THRAP3: variants seen among roughly 807,000 people sequenced by gnomAD.
The protein encoded by THRAP3 is thyroid hormone receptor-associated protein 3.
Under a neutral mutation model 101.0 loss-of-function variants are expected in THRAP3, and 16 were observed. That is an observed-to-expected ratio of 0.16 (90% CI 0.11 to 0.24). The LOEUF is 0.24. Among genes scored for constraint, THRAP3 ranks in the 10% least tolerant of loss-of-function variants. The probability of loss-of-function intolerance (pLI) is 1.00; values close to 1 mark genes in which losing one functional copy is unlikely to be tolerated. For synonymous variants in THRAP3, 407 were observed against 422.6 expected (o/e 0.96, Z 0.45); for missense variants, 989 against 1,202.7 (o/e 0.82, Z 2.63).
At chr1:36,253,773 T>TTTTTTA (rs1645339007) in intron 1 of THRAP3, among the ~76,000 whole-genome samples, 1 of 145,974 alleles carries the variant, frequency 6.9e-6, no homozygotes, top group Admixed American at 6.8e-5. Flanking sequence ...TTTTTTTTTT[T>TTTTTTA]TTTTTTAGTT....
chr1:36,227,717 A>G (rs1412075172), intron 1 of THRAP3, among the ~76,000 whole-genome samples: 1 of 152,092 alleles, frequency 6.6e-6, no homozygotes, highest in Non-Finnish European at 1.5e-5. Context: ...TGACAGAGCA[A>G]GAAAATAGAG....
upstream of THRAP3, among the ~76,000 whole-genome samples, chr1:36,220,113 C>A (rs1162677088): frequency 6.6e-6 from 1 of 152,120 alleles, no homozygotes; most frequent in Admixed American, 6.6e-5. Context: ...CCTGCCTCAG[C>A]CTCCTGAGCA....
At chr1:36,239,614 G>C (rs776335980) in intron 1 of THRAP3, among the ~76,000 whole-genome samples, 1 of 152,114 alleles carries the variant, frequency 6.6e-6, no homozygotes, top group African/African-American at 2.4e-5. Flanking sequence ...TTGTTTCCCT[G>C]GTTCTGGGTA....
intron 2 of THRAP3, among the ~76,000 whole-genome samples, chr1:36,261,205 T>G (rs1217304647): frequency 6.6e-6 from 1 of 152,100 alleles, no homozygotes; most frequent in African/African-American, 2.4e-5. Flanking sequence ...CGAGACCAGC[T>G]GGCCAACATG....
intron 4 of THRAP3, chr1:36,288,810 C>T (rs1570332037): frequency 2.0e-6 from 2 of 985,234 alleles, no homozygotes; most frequent in South Asian, 4.7e-5. Context: ...TTGTTGTTCT[C>T]TTTGGTTGCT....
chr1:36,282,749 T>C (rs780567280), intron 3 of THRAP3, 49 bp downstream of exon 3: 4 of 1,604,274 alleles, frequency 2.5e-6, no homozygotes, highest in East Asian at 2.2e-5. Flanking sequence ...CATCAGTCGA[T>C]GTGGATGTTT....
Position 36,289,405 on chromosome 1 carries a change from C to T in THRAP3, c.1386C>T (p.Asn462=), listed in dbSNP as rs769316599. ...CTAAAGTCATAGGTGCAAACAAAAA[C>T]CAGGAGGAGGAGAAGTCAGGCAAAT... ...FMSKVIGANK[N]QEEEKSGKWE... Residue 462 remains asparagine, a synonymous_variant, in exon 5 of 12, where the codon AAC becomes AAT. Transcript: ENST00000354618. 4.3e-6 allele frequency: 7 copies of T among 1,613,942 alleles called. No homozygotes were observed. The African/African-American group carries it at 8.0e-5, about 18-fold the overall frequency.
Position 36,287,027 on chromosome 1 carries a change from G to A in THRAP3, c.797G>A (p.Arg266His), listed in dbSNP as rs1217950962. The A allele has an allele frequency of 2.2e-5, 35 of 1,613,792 alleles. No homozygotes were observed. Among genetic ancestry groups the A allele is most frequent in the African/African-American group, 6.7e-5 (5 of 74,910 alleles). ...QSVVVRRRSP[R>H]PSPVPKPSPP... Reference sequence around the variant, plus strand: ...GTGGTGGTGAGGCGGCGGTCACCCCGTCCTAGCCCCGTGCCAAAACCTAGT... The same window carrying A: ...GTGGTGGTGAGGCGGCGGTCACCCCATCCTAGCCCCGTGCCAAAACCTAGT... Residue 266 changes from arginine to histidine, a missense_variant, in exon 4 of 12, where the codon CGT (arginine) becomes CAT (histidine). Physicochemically the swap from Arg to His is conservative, Grantham distance 29. Transcript: ENST00000354618.
intron 1 of THRAP3, among the ~76,000 whole-genome samples, chr1:36,253,817 C>A (rs1319141285): frequency 7.3e-6 from 1 of 136,512 alleles, no homozygotes; most frequent in African/African-American, 2.7e-5. Flanking sequence ...GTTCACTAGG[C>A]AGGTCTCAAA....
chr1:36,248,409 G>A (rs1027881943), intron 1 of THRAP3, among the ~76,000 whole-genome samples: 7 of 149,320 alleles, frequency 4.7e-5, no homozygotes, highest in South Asian at 2.1e-4. Flanking sequence ...CCTAAGTGTT[G>A]GATTGCAGGC....
At chr1:36,287,357 A>C (rs1255288244) in intron 4 of THRAP3, 87 bp downstream of exon 4, 2 of 1,437,536 alleles carry the variant, frequency 1.4e-6, no homozygotes, top group Non-Finnish European at 1.8e-6. Context: ...TAGAGCTCTG[A>C]TTAATGGTAA....
At chr1:36,231,399 G>A (rs982093341) in intron 1 of THRAP3, among the ~76,000 whole-genome samples, 2 of 152,128 alleles carry the variant, frequency 1.3e-5, no homozygotes, top group African/African-American at 2.4e-5. Flanking sequence ...TGCTTGGTTT[G>A]CTTTATAGCA....
intron 1 of THRAP3, among the ~76,000 whole-genome samples, chr1:36,228,267 G>T (rs532734078): frequency 1.3e-5 from 2 of 151,702 alleles, no homozygotes; most frequent in East Asian, 3.9e-4. Flanking sequence ...ACCCAGGCTG[G>T]AGTGCAATGG....
chr1:36,259,065 G>A (rs1645411385), intron 1 of THRAP3, among the ~76,000 whole-genome samples: 1 of 152,078 alleles, frequency 6.6e-6, no homozygotes, highest in Admixed American at 6.6e-5. Flanking sequence ...TCTGATTTTT[G>A]TCAGGTTCAC....
At chr1:36,290,336 C>T (rs896937275) in intron 5 of THRAP3, among the ~76,000 whole-genome samples, 2 of 151,986 alleles carry the variant, frequency 1.3e-5, no homozygotes, top group African/African-American at 4.8e-5. Context: ...GCTGGGACCA[C>T]AGGCCTCCAC....
chr1:36,289,299 A>G lies in THRAP3; in HGVS notation c.1280A>G (p.Lys427Arg), dbSNP rs748114725. Reference sequence around the variant, plus strand: ...GAGAAGAAGATGGCTGACTTCCACAAGGAGGAGATGGATGATCAAGATAAG... The same window carrying G: ...GAGAAGAAGATGGCTGACTTCCACAGGGAGGAGATGGATGATCAAGATAAG... Reference protein sequence around the residue: ...DFEKKMADFHKEEMDDQDKDK... With the variant: ...DFEKKMADFHREEMDDQDKDK... The change falls in exon 5 of 12, where the codon AAG (lysine) becomes AGG (arginine). Residue 427 changes from lysine to arginine, a missense_variant. By Grantham distance (26) the Lys-to-Arg change is conservative. Coordinates refer to ENST00000354618, the MANE Select transcript of THRAP3 (RefSeq NM_005119.4). The G allele has an allele frequency of 4.3e-6, 7 of 1,614,180 alleles. No individual in the cohort carries two copies. The highest frequency in any genetic ancestry group is 1.3e-5 in the African/African-American group (1 of 75,046).
intron 2 of THRAP3, among the ~76,000 whole-genome samples, chr1:36,271,330 T>A (rs1645588115): frequency 6.6e-6 from 1 of 152,148 alleles, no homozygotes; most frequent in Non-Finnish European, 1.5e-5. Flanking sequence ...TTGCCCAGGC[T>A]GGAGTGCAGT....
chr1:36,223,567 C>T (rs954707721), upstream of THRAP3, among the ~76,000 whole-genome samples: 4 of 152,184 alleles, frequency 2.6e-5, no homozygotes, highest in African/African-American at 9.7e-5. Flanking sequence ...TGTTCAGAGA[C>T]ACTAGAGCAG....
upstream of THRAP3, among the ~76,000 whole-genome samples, chr1:36,219,909 C>T (rs773302789): frequency 1.3e-5 from 2 of 152,158 alleles, no homozygotes; most frequent in Non-Finnish European, 2.9e-5. Flanking sequence ...GCTCATTTAC[C>T]ATTCTGAAAA....
Sources: allele counts gnomAD v4.1 joint callset (sites outside exome capture counted in the v4.1 genomes callset), GRCh38; gene constraint gnomAD v4.1.1; transcripts MANE v1.5; gene names NCBI Gene and HGNC (gene_info 2026-07-23, HGNC 2026-07-21).